Variants in OTOA observed in about 807,000 individuals in gnomAD.
The protein encoded by OTOA is otoancorin.
A neutral mutation model predicts 110.8 loss-of-function variants in OTOA; 70 were observed. That is an observed-to-expected ratio of 0.63 (90% CI 0.52 to 0.77). The LOEUF is 0.77. OTOA is among the 30% of genes least tolerant of loss of function. The pLI, the probability that OTOA is intolerant of heterozygous loss-of-function variation, is 0.00. For synonymous variants in OTOA, 373 were observed against 431.5 expected (o/e 0.86, Z 1.68); for missense variants, 917 against 1,075.8 (o/e 0.85, Z 2.06).
chr16:21,664,392 C>A (rs1047183415), intron 1 of OTOA, among the ~76,000 whole-genome samples, 160 bp downstream of exon 1: 2 of 151,372 alleles, frequency 1.3e-5, no homozygotes, highest in Admixed American at 6.6e-5. Flanking sequence ...GTGGGTGCAG[C>A]GGCTTTAAGG....
intron 1 of OTOA, among the ~76,000 whole-genome samples, chr16:21,678,061 T>A (rs550750431): frequency 1.9e-3 from 283 of 152,142 alleles, no homozygotes; most frequent in Non-Finnish European, 3.1e-3. Context: ...TAATTTTTTA[T>A]TTTTAGTAGA....
intron 9 of OTOA, among the ~76,000 whole-genome samples, chr16:21,695,891 A>ATATATATATATT (rs569493650): frequency 2.1e-3 from 88 of 41,888 alleles, no homozygotes; most frequent in Non-Finnish European, 2.7e-3. Context: ...ATATATATAT[A>ATATATATATATT]TTTTTTTTTT....
intron 28 of OTOA, among the ~76,000 whole-genome samples, chr16:21,757,629 A>ATTC (rs1286674086): frequency 6.6e-6 from 1 of 152,080 alleles, no homozygotes; most frequent in Non-Finnish European, 1.5e-5. Context: ...TATTATTATT[A>ATTC]TTATTTTGAC....
At chr16:21,707,613 CTTTCTTTCTT>C (rs1898212099) in intron 12 of OTOA, among the ~76,000 whole-genome samples, 3 of 85,656 alleles carry the variant, frequency 3.5e-5, no homozygotes, top group Non-Finnish European at 8.2e-5. Context: ...TTCTTTCTTT[CTTTCTTTCTT>C]TCTTTCTTTC....
chr16:21,692,639 C>T (rs1440196353), intron 9 of OTOA, among the ~76,000 whole-genome samples: 1 of 147,908 alleles, frequency 6.8e-6, no homozygotes, highest in Admixed American at 6.7e-5. Context: ...AAAAATGGGG[C>T]CAGGTGGGCC....
chr16:21,701,077 A>G (rs1898044322), intron 11 of OTOA, 50 bp downstream of exon 11: 2 of 1,612,750 alleles, frequency 1.2e-6, no homozygotes, highest in Non-Finnish European at 1.7e-6. Context: ...GATGTGATCT[A>G]AGCATCAGAA....
intron 6 of OTOA, 93 bp from the exon 7 acceptor site, chr16:21,685,137 A>T: frequency 2.0e-6 from 3 of 1,514,506 alleles, no homozygotes; most frequent in Non-Finnish European, 2.7e-6. Flanking sequence ...TCTGCAGGGA[A>T]TGAGGGGGCC....
chr16:21,731,339 T>G (rs1164389857), intron 21 of OTOA, among the ~76,000 whole-genome samples: 1 of 152,226 alleles, frequency 6.6e-6, no homozygotes, highest in Non-Finnish European at 1.5e-5. Flanking sequence ...ATCATTACAT[T>G]TGGGCATGAC....
chr16:21,712,619 T>A (rs1208488096), intron 13 of OTOA, among the ~76,000 whole-genome samples: 1 of 151,360 alleles, frequency 6.6e-6, no homozygotes, highest in Non-Finnish European at 1.5e-5. Context: ...GACAGGCAGA[T>A]CACGAGGTCA....
At chr16:21,687,744 T>A in intron 8 of OTOA, 96 bp downstream of exon 8, 1 of 1,047,060 alleles carries the variant, frequency 9.6e-7, no homozygotes, top group Admixed American at 2.1e-5. Flanking sequence ...CTCGGCTCAC[T>A]GCAACCTCTG....
intron 10 of OTOA, 109 bp from the exon 11 acceptor site, chr16:21,700,779 G>A: frequency 3.9e-6 from 5 of 1,277,240 alleles, no homozygotes; most frequent in South Asian, 3.6e-5. Flanking sequence ...AGAACCAGGA[G>A]GTGTATCCAA....
intron 25 of OTOA, 102 bp from the exon 26 acceptor site, chr16:21,752,267 C>G: frequency 1.4e-6 from 1 of 737,730 alleles, no homozygotes; most frequent in Non-Finnish European, 2.3e-6. Flanking sequence ...GCCTACTGTG[C>G]AGTGTGTGTG....
At chr16:21,720,499 T>C (rs755625823) in intron 17 of OTOA, among the ~76,000 whole-genome samples, 1 of 152,232 alleles carries the variant, frequency 6.6e-6, no homozygotes, top group Non-Finnish European at 1.5e-5. Flanking sequence ...TGCAAAGTTT[T>C]AATGAAGCTC....
At chr16:21,721,080 A>G (rs915273992) in intron 17 of OTOA, among the ~76,000 whole-genome samples, 3 of 151,470 alleles carry the variant, frequency 2.0e-5, no homozygotes, top group South Asian at 4.2e-4. Flanking sequence ...ACACCTGGCT[A>G]ATTTTTGTAT....
chr16:21,693,673 C>T (rs1888879383), intron 9 of OTOA, among the ~76,000 whole-genome samples: 1 of 152,138 alleles, frequency 6.6e-6, no homozygotes, highest in Non-Finnish European at 1.5e-5. Context: ...CCTCTGCCTC[C>T]AGAGTTCAAG....
Position 21,722,989 on chromosome 16 carries a change from A to T in OTOA, c.1880+11A>T. 1.2e-6 allele frequency: 2 copies of T among 1,613,474 alleles called. No homozygotes were observed. Among genetic ancestry groups the T allele is most frequent in the Non-Finnish European group, 1.7e-6 (2 of 1,179,402 alleles). ...CTTGGCTGCACTCCCGTAAGTGAAC[A>T]TCAGCCCCCACCTTCTGGCTCATCA... On this transcript the variant is annotated intron_variant, in intron 18 of 28. Transcript: ENST00000646100.
At position 21,689,434 on chromosome 16, in the gene OTOA, G is replaced by A. The variant is rs538744758; in HGVS notation, c.635+1786G>A. On this transcript the variant is annotated intron_variant, in intron 8 of 28. Coordinates refer to ENST00000646100, the MANE Select transcript of OTOA (RefSeq NM_144672.4). Reference sequence around the variant, plus strand: ...TCCTCCGTTCATGCAGATTGTGGAAGAGAACATCATTGGGAGAGAGAGTTT... The same window carrying A: ...TCCTCCGTTCATGCAGATTGTGGAAAAGAACATCATTGGGAGAGAGAGTTT... Among the ~76,000 whole-genome samples, 7 of 152,276 alleles carry A rather than the reference G, an allele frequency of 4.6e-5. No individual in the cohort carries two copies. The South Asian group carries it at 1.5e-3, about 32-fold the overall frequency.
intron 13 of OTOA, among the ~76,000 whole-genome samples, chr16:21,711,991 T>G (rs148893715): frequency 2.6e-5 from 4 of 152,338 alleles, no homozygotes; most frequent in African/African-American, 2.4e-5. Flanking sequence ...TAGTTTTAAC[T>G]GTGTCTGACC....
intron 19 of OTOA, 137 bp from the exon 20 acceptor site, chr16:21,728,104 A>G: frequency 2.8e-6 from 3 of 1,056,704 alleles, no homozygotes; most frequent in Non-Finnish European, 4.3e-6. Context: ...GCCTCAAATG[A>G]TCTGTCTGCC....
Sources: gnomAD v4.1 joint callset for allele counts (sites outside exome capture counted in the v4.1 genomes callset) on GRCh38, gnomAD v4.1.1 for gene constraint, MANE v1.5 for transcripts, NCBI Gene and HGNC (gene_info 2026-07-23, HGNC 2026-07-21) for gene names.